ZNF565: variants seen among roughly 807,000 people sequenced by gnomAD.
ZNF565 encodes zinc finger protein 565.
In ZNF565, 27 loss-of-function variants were observed where a neutral mutation model predicts 39.4. The observed-to-expected ratio is 0.69, with a 90% CI of 0.51 to 0.95. The LOEUF (loss-of-function observed/expected upper bound fraction) is 0.95, where lower values mean the gene tolerates loss of function less well. ZNF565 is among the 40% of genes least tolerant of loss of function. ZNF565 has a pLI of 0.00. For missense variants in ZNF565, 524 were observed against 621.1 expected, an observed-to-expected ratio of 0.84 and a Z score of 1.66; for synonymous variants, 185 against 216.6, an observed-to-expected ratio of 0.85 and a Z score of 1.28.
chr19:36,229,550 A>G (rs2432054), intron 1 of ZNF565, among the ~76,000 whole-genome samples: 52,206 of 152,034 alleles, frequency 0.34, 9,505 homozygotes, highest in Middle Eastern at 0.48. Context: ...CGTGTCACGT[A>G]TATCCTTCTT....
intron 4 of ZNF565, among the ~76,000 whole-genome samples, chr19:36,185,829 G>A (rs991656850): frequency 6.6e-6 from 1 of 151,218 alleles, no homozygotes; most frequent in Non-Finnish European, 1.5e-5. Flanking sequence ...GAGTAGCTGG[G>A]ATTATAGGTG....
rs1414793800 is a variant in ZNF565, at chr19:36,183,343, G to A, written c.623C>T (p.Ser208Leu). 6.2e-7 allele frequency: 1 copy of A among 1,614,038 alleles called. No homozygotes were observed. The highest frequency in any genetic ancestry group is 1.1e-5 in the South Asian group (1 of 91,086). The change falls in exon 5 of 5, where the codon TCA becomes TTA. Residue 208 changes from serine to leucine, a missense_variant. Ser to Leu is a moderately radical substitution (Grantham distance 145). Transcript: ENST00000304116. ...AATTCTCTGATGCTGAACAAGGTGT[G>A]AGGCACGGCTGAAGGCCTTCCCACA... ...KECGKAFSRA[S>L]HLVQHQRIHT... is the part of the protein sequence containing the mutation.
At chr19:36,185,716 ATTTT>A (rs201279241) in intron 4 of ZNF565, among the ~76,000 whole-genome samples, 2 of 125,100 alleles carry the variant, frequency 1.6e-5, no homozygotes, top group African/African-American at 6.0e-5. Flanking sequence ...CTCACTCTCT[ATTTT>A]TTTTTTTTTT....
chr19:36,206,013 G>A (rs992749405), intron 1 of ZNF565, among the ~76,000 whole-genome samples: 1 of 151,288 alleles, frequency 6.6e-6, no homozygotes, highest in African/African-American at 2.4e-5. Flanking sequence ...CGAGGCTGGA[G>A]TGCACTGACG....
At chr19:36,191,441 T>C (rs1161615918) in intron 4 of ZNF565, among the ~76,000 whole-genome samples, 2 of 151,626 alleles carry the variant, frequency 1.3e-5, no homozygotes, top group Non-Finnish European at 2.9e-5. Context: ...GGAACCAGCA[T>C]TCTTTTGAGA....
chr19:36,194,329 C>CT lies in ZNF565; in HGVS notation c.137-2dup. ...ACATCAGGCTTAGAAATGGAGAGTC[C>CT]TGTTTACAGGAAAAGAAATGGGGTG... On this transcript the variant is annotated splice_acceptor_variant, in intron 3 of 4. Coordinates refer to ENST00000304116, the MANE Select transcript of ZNF565 (RefSeq NM_152477.5). LOFTEE classifies it high-confidence loss of function. 6.2e-7 allele frequency: 1 copy of CT among 1,606,924 alleles called. No individual in the cohort carries two copies. Among genetic ancestry groups the CT allele is most frequent in the Non-Finnish European group, 8.5e-7 (1 of 1,176,344 alleles).
At chr19:36,225,461 A>G (rs1399148248) in intron 1 of ZNF565, among the ~76,000 whole-genome samples, 4 of 151,172 alleles carry the variant, frequency 2.6e-5, no homozygotes. Flanking sequence ...TTGTGTCTTA[A>G]GTTCATTTTG....
intron 1 of ZNF565, among the ~76,000 whole-genome samples, chr19:36,213,778 T>G (rs1372919301): frequency 6.6e-6 from 1 of 150,642 alleles, no homozygotes; most frequent in Admixed American, 6.7e-5. Context: ...AAAGGGCTGA[T>G]GTGAGCCACC....
At position 36,182,540 on chromosome 19, in the gene ZNF565, C is replaced by A; in HGVS notation, c.1426G>T (p.Glu476Ter). 2 of 1,611,732 alleles carry A rather than the reference C, an allele frequency of 1.2e-6. No homozygotes were observed. Among genetic ancestry groups the A allele is most frequent in the South Asian group, 2.2e-5 (2 of 90,564 alleles). Residue 476 changes from glutamate (E) to a stop codon, truncating the protein, a stop_gained, in exon 5 of 5, where the codon GAA becomes TAA. Transcript: ENST00000304116. LOFTEE classifies it high-confidence loss of function. ...QRIHPGIKPY[E>*]CRECGQAFIL... ...AATGCCTGCCCACACTCTCTACATT[C>A]GTAAGGTTTGATACCAGGATGAATT...
intron 1 of ZNF565, among the ~76,000 whole-genome samples, chr19:36,211,447 T>TCTCTCTCA (rs1555739605): frequency 2.7e-5 from 3 of 109,982 alleles, no homozygotes; most frequent in Non-Finnish European, 5.6e-5. Flanking sequence ...TCCAACTCTC[T>TCTCTCTCA]CTCACACACA....
At chr19:36,196,948 T>C (rs903100295) in intron 2 of ZNF565, among the ~76,000 whole-genome samples, 2 of 151,898 alleles carry the variant, frequency 1.3e-5, no homozygotes, top group Non-Finnish European at 2.9e-5. Context: ...TCCAGGTACT[T>C]GAGGGGCTGA....
chr19:36,239,612 C>G (rs1426297118), intron 1 of ZNF565, among the ~76,000 whole-genome samples: 1 of 152,146 alleles, frequency 6.6e-6, no homozygotes, highest in East Asian at 1.9e-4. Context: ...AGGTATGAGT[C>G]ACCATGCCCA....
At chr19:36,217,809 C>G (rs1488458938), upstream of ZNF565, among the ~76,000 whole-genome samples, 1 of 151,448 alleles carries the variant, frequency 6.6e-6, no homozygotes, top group Non-Finnish European at 1.5e-5. Flanking sequence ...TGCTTGAACC[C>G]GGGAGGCGGA....
At chr19:36,220,813 C>A (rs754994314) in intron 1 of ZNF565, among the ~76,000 whole-genome samples, 7 of 151,054 alleles carry the variant, frequency 4.6e-5, no homozygotes, top group Admixed American at 4.0e-4. Context: ...TTAAAAAATT[C>A]TTTCTTTAAT....
At chr19:36,232,713 A>AT (rs1977440555) in intron 1 of ZNF565, among the ~76,000 whole-genome samples, 1 of 149,214 alleles carries the variant, frequency 6.7e-6, no homozygotes, top group Non-Finnish European at 1.5e-5. Context: ...GTTTCAAGTG[A>AT]TTCTCCTGTC....
chr19:36,182,097 C>T (rs938140073), downstream of ZNF565: 22 of 172,514 alleles, frequency 1.3e-4, no homozygotes, highest in Non-Finnish European at 1.8e-4. Flanking sequence ...AATGATCTGC[C>T]GGCCTTGGCC....
chr19:36,220,522 G>A (rs999587793), intron 1 of ZNF565, among the ~76,000 whole-genome samples: 20 of 151,914 alleles, frequency 1.3e-4, no homozygotes, highest in African/African-American at 4.1e-4. Flanking sequence ...ATGCCACCAC[G>A]CCCAGCTAAG....
chr19:36,188,370 AAG>A (rs892449158), intron 4 of ZNF565, among the ~76,000 whole-genome samples: 2 of 135,230 alleles, frequency 1.5e-5, no homozygotes, highest in Admixed American at 7.1e-5. Context: ...GGAAAAATAA[AAG>A]AGAGAGAGAA....
chr19:36,234,228 A>G (rs1201855892), intron 1 of ZNF565, among the ~76,000 whole-genome samples: 2 of 152,148 alleles, frequency 1.3e-5, no homozygotes, highest in African/African-American at 4.8e-5. Context: ...ACAGCATCTC[A>G]AGGCAGAATA....
Sources: gnomAD v4.1 joint callset for allele counts (sites outside exome capture counted in the v4.1 genomes callset) on GRCh38, gnomAD v4.1.1 for gene constraint, MANE v1.5 for transcripts, NCBI Gene and HGNC (gene_info 2026-07-23, HGNC 2026-07-21) for gene names.